The following EXD1 variants were observed in gnomAD, a reference collection of about 807,000 sequenced individuals.
The protein encoded by EXD1 is exonuclease 3'-5' domain containing 1, also known as piRNA biogenesis protein EXD1.
EXD1 carries 63 observed loss-of-function variants against 49.1 expected under a neutral mutation model. The observed-to-expected ratio is 1.28, with a 90% CI of 1.05 to 1.58. EXD1 has a LOEUF of 1.58. EXD1 is among the 40% of genes most tolerant of loss of function. EXD1 has a pLI of 0.00. For missense variants in EXD1, 748 were observed against 666.0 expected (o/e 1.12, Z -1.36); for synonymous variants, 234 against 239.2 (o/e 0.98, Z 0.20).
At chr15:41,216,406 C>T (rs925889148) in intron 5 of EXD1, among the ~76,000 whole-genome samples, 28 of 151,740 alleles carry the variant, frequency 1.8e-4, no homozygotes, top group African/African-American at 7.3e-5. Flanking sequence ...CCAAGGCGGG[C>T]GGATCACCTG....
chr15:41,204,881 C>T (rs2046798833), intron 7 of EXD1, among the ~76,000 whole-genome samples: 1 of 152,090 alleles, frequency 6.6e-6, no homozygotes, highest in Non-Finnish European at 1.5e-5. Context: ...GGTCATAGAT[C>T]CCCATTCTAT....
chr15:41,213,656 AC>A (rs2046956601), intron 6 of EXD1, among the ~76,000 whole-genome samples: 3 of 151,786 alleles, frequency 2.0e-5, no homozygotes, highest in Non-Finnish European at 4.4e-5. Context: ...CCACCACCAC[AC>A]CTGGCTAATT....
intron 4 of EXD1, 79 bp downstream of exon 4, chr15:41,217,018 G>A (rs965950915): frequency 5.8e-6 from 8 of 1,375,646 alleles, no homozygotes; most frequent in South Asian, 4.9e-5. Context: ...TTAAGCAGCT[G>A]GTGAATTAGA....
intron 11 of EXD1, among the ~76,000 whole-genome samples, chr15:41,186,462 C>A (rs2448403): frequency 2.6e-5 from 1 of 38,426 alleles, no homozygotes; most frequent in Non-Finnish European, 8.0e-5. Flanking sequence ...ATGAGCAAGA[C>A]TCTGTCTCAA....
intron 5 of EXD1, among the ~76,000 whole-genome samples, 181 bp downstream of exon 5, chr15:41,216,487 T>C (rs947515428): frequency 6.6e-6 from 1 of 151,934 alleles, no homozygotes; most frequent in Non-Finnish European, 1.5e-5. Flanking sequence ...CAAAATTAGC[T>C]GGGCGTGGTG....
intron 7 of EXD1, among the ~76,000 whole-genome samples, chr15:41,206,966 C>T (rs111939999): frequency 0.077 from 8,914 of 115,476 alleles, 497 homozygotes; most frequent in East Asian, 0.22. Context: ...AGTAGTGCCT[C>T]TGCGCCAGGT....
intron 7 of EXD1, among the ~76,000 whole-genome samples, chr15:41,205,285 C>T (rs2046804304): frequency 6.6e-6 from 1 of 152,124 alleles, no homozygotes; most frequent in African/African-American, 2.4e-5. Context: ...TAGAGGGCTC[C>T]AGGAGAGATG....
At chr15:41,222,037 T>C (rs1281942238) in intron 2 of EXD1, among the ~76,000 whole-genome samples, 2 of 151,336 alleles carry the variant, frequency 1.3e-5, no homozygotes, top group African/African-American at 4.9e-5. Flanking sequence ...GCGTCAGAGG[T>C]TCCAGTGAGC....
chr15:41,209,227 C>T (rs2046883259), intron 7 of EXD1, among the ~76,000 whole-genome samples: 1 of 152,076 alleles, frequency 6.6e-6, no homozygotes, highest in Admixed American at 6.6e-5. Context: ...AGTTTGAGAT[C>T]AGCCTGGGCA....
rs530860188 is a variant in EXD1 at position 41,227,635 on chromosome 15, G to C, written c.-53-1007C>G. Among the ~76,000 whole-genome samples the C allele has an allele frequency of 2.8e-5, 4 of 144,936 alleles. No individual in the cohort carries two copies. In the East Asian group the frequency reaches 8.3e-4, roughly 30 times the overall value. The stretch of plus-strand genomic sequence containing the variant: ...CAGTGAGCCGAGATTTAGAGATCGC[G>C]CCACTGTACTCCAGCCTGTGCGACA... On this transcript the variant is annotated intron_variant, in intron 1 of 11. Transcript: ENST00000458580.
intron 2 of EXD1, among the ~76,000 whole-genome samples, chr15:41,221,419 G>A (rs115664307): frequency 0.011 from 1,604 of 151,342 alleles, 15 homozygotes; most frequent in Middle Eastern, 0.017. Context: ...CTGCAGGCTT[G>A]TGCCAGCATG....
At chr15:41,200,228 T>C (rs994942300) in intron 7 of EXD1, among the ~76,000 whole-genome samples, 1 of 152,002 alleles carries the variant, frequency 6.6e-6, no homozygotes, top group African/African-American at 2.4e-5. Flanking sequence ...TTCTTTAAAA[T>C]AATAAATGAG....
intron 7 of EXD1, 62 bp downstream of exon 7, chr15:41,209,438 GA>G (rs141284371): frequency 0.015 from 22,307 of 1,460,356 alleles, 228 homozygotes; most frequent in Non-Finnish European, 0.019. Context: ...AAGAAGGAAA[GA>G]AAAAAATCTA....
intron 10 of EXD1, among the ~76,000 whole-genome samples, chr15:41,191,111 A>G (rs2046507560): frequency 6.6e-6 from 1 of 152,112 alleles, no homozygotes; most frequent in Non-Finnish European, 1.5e-5. Flanking sequence ...TATTTTTAGT[A>G]GAGGAGATTT....
intron 11 of EXD1, among the ~76,000 whole-genome samples, chr15:41,189,136 G>A (rs1448831442): frequency 2.0e-5 from 3 of 152,018 alleles, no homozygotes; most frequent in African/African-American, 7.2e-5. Flanking sequence ...GAGAGGCCAA[G>A]GCAGGCTCAT....
intron 7 of EXD1, among the ~76,000 whole-genome samples, chr15:41,204,445 G>T (rs1402002107): frequency 1.3e-5 from 2 of 151,988 alleles, no homozygotes; most frequent in Non-Finnish European, 2.9e-5. Context: ...CAGCTACTGG[G>T]GAGGCTGAGG....
Position 41,190,026 on chromosome 15 carries a change from CT to C in EXD1, c.966del (p.Asp323MetfsTer3). On this transcript the variant is annotated frameshift_variant, in exon 11 of 12. Coordinates refer to ENST00000458580, the MANE Select transcript of EXD1 (RefSeq NM_001286441.2). LOFTEE classifies it high-confidence loss of function. Reference protein sequence around the residue: ...TYLLPLRLALLDEMMSDLTTL... With the variant: ...TYLLPLRLALXDEMMSDLTTL... ...GTGGTTAGGTCAGACATCATCTCAT[CT>C]AGGAGTGCCAAGCGAAGGGGTAACA... 1 of 1,614,112 alleles carries C rather than the reference CT, an allele frequency of 6.2e-7. No homozygotes were observed. The highest frequency in any genetic ancestry group is 2.2e-5 in the East Asian group (1 of 44,868).
intron 2 of EXD1, among the ~76,000 whole-genome samples, chr15:41,221,066 C>T (rs962266414): frequency 6.6e-6 from 1 of 152,116 alleles, no homozygotes; most frequent in African/African-American, 2.4e-5. Flanking sequence ...CTATTAACTA[C>T]CTAGAGCTAC....
chr15:41,230,699 A>G lies in EXD1; in HGVS notation c.-274T>C. ...CTGAAAACCTGGAGAAAGGTCCGCG[A>G]CGCCGGGGACACACGCCGCAGAGGC... On this transcript the variant is annotated 5_prime_UTR_variant, in exon 1 of 12. Coordinates refer to ENST00000458580, the MANE Select transcript of EXD1 (RefSeq NM_001286441.2). 1.3e-6 allele frequency: 1 copy of G among 749,840 alleles called. No individual in the cohort carries two copies. The highest frequency in any genetic ancestry group is 2.1e-6 in the Non-Finnish European group (1 of 472,960). The allele number at this position is 749,840 out of a possible 1,614,324, so 46.4% of individuals were successfully genotyped here. A position where few individuals can be genotyped will look rare whatever the true frequency, so the allele number is the denominator to read the frequency against.
Sources: allele counts gnomAD v4.1 joint callset (sites outside exome capture counted in the v4.1 genomes callset), GRCh38; gene constraint gnomAD v4.1.1; transcripts MANE v1.5; gene names NCBI Gene and HGNC (gene_info 2026-07-23, HGNC 2026-07-21).